DNM1L: variants seen among roughly 807,000 people sequenced by gnomAD.
The protein encoded by DNM1L is dynamin 1L.
DNM1L carries 33 observed loss-of-function variants against 92.8 expected under a neutral mutation model. That is an observed-to-expected ratio of 0.36 (90% confidence interval 0.27 to 0.48). The LOEUF is 0.48. DNM1L is among the 20% of genes least tolerant of loss of function. The pLI, the probability that DNM1L is intolerant of heterozygous loss-of-function variation, is 0.99. For missense variants in DNM1L, 485 were observed against 888.8 expected (o/e 0.55, Z 5.78); for synonymous variants, 284 against 305.0 (o/e 0.93, Z 0.72).
At chr12:32,717,087 T>C (rs1317352347) in intron 6 of DNM1L, among the ~76,000 whole-genome samples, 1 of 130,166 alleles carries the variant, frequency 7.7e-6, no homozygotes, top group Non-Finnish European at 1.6e-5. Context: ...ATATATATAT[T>C]TTATATATAT....
rs886049292 is a variant in DNM1L at position 32,744,603 on chromosome 12, C to T, written c.*1193C>T. 1 of 250,736 alleles carries T rather than the reference C, an allele frequency of 4.0e-6. No homozygotes were observed. Among genetic ancestry groups the T allele is most frequent in the Non-Finnish European group, 7.7e-6 (1 of 129,382 alleles). 15.5% of individuals were successfully genotyped at this position (250,736 alleles called of 1,614,324 possible). ...TGGCGCATGCCTGTAATCCCAGCTACTCGGGAGGGTGAGGCAGGAGAATTG... is the reference window on the plus strand; with the variant it reads ...TGGCGCATGCCTGTAATCCCAGCTATTCGGGAGGGTGAGGCAGGAGAATTG... On this transcript the variant is annotated 3_prime_UTR_variant, in exon 20 of 20. Transcript: ENST00000549701.
chr12:32,692,865 CAT>C (rs1952287055), intron 1 of DNM1L: 1 of 152,190 alleles, frequency 6.6e-6, no homozygotes, highest in African/African-American at 2.4e-5. Context: ...TTTACACAGT[CAT>C]GTGAAATTTA....
At chr12:32,726,533 T>C (rs1954158470) in intron 9 of DNM1L, 1 of 1,096,314 alleles carries the variant, frequency 9.1e-7, no homozygotes, top group Non-Finnish European at 1.4e-6. Context: ...CAGTAAACTA[T>C]AACACTGATC....
intron 2 of DNM1L, among the ~76,000 whole-genome samples, chr12:32,703,124 CA>C (rs1952781304): frequency 6.6e-6 from 1 of 151,152 alleles, no homozygotes; most frequent in Non-Finnish European, 1.5e-5. Flanking sequence ...TCCTGTCTCT[CA>C]GAAACTATTT....
chr12:32,692,216 T>C (rs558398339), intron 1 of DNM1L, among the ~76,000 whole-genome samples: 9 of 152,306 alleles, frequency 5.9e-5, no homozygotes, highest in South Asian at 2.1e-4. Flanking sequence ...TAAGCAAAAT[T>C]AATTAAAATC....
intron 6 of DNM1L, among the ~76,000 whole-genome samples, chr12:32,717,177 A>G (rs1439254127): frequency 8.3e-6 from 1 of 121,196 alleles, no homozygotes; most frequent in South Asian, 2.2e-4. Flanking sequence ...TATAAAATAT[A>G]TATAGTATAT....
chr12:32,720,879 T>A, intron 8 of DNM1L, 84 bp downstream of exon 8: 1 of 1,535,654 alleles, frequency 6.5e-7, no homozygotes, highest in Admixed American at 1.7e-5. Flanking sequence ...TTCCTTACAT[T>A]TTCATACTGT....
At chr12:32,734,874 GGCACTATTATAGGAA>G (rs1954769940) in intron 13 of DNM1L, among the ~76,000 whole-genome samples, 1 of 152,164 alleles carries the variant, frequency 6.6e-6, no homozygotes, top group African/African-American at 2.4e-5. Flanking sequence ...TATTTTGCAG[GGCACTATTATAGGAA>G]GCAAGCACCT....
chr12:32,693,242 AGT>A (rs1952299266), intron 1 of DNM1L, among the ~76,000 whole-genome samples: 1 of 152,128 alleles, frequency 6.6e-6, no homozygotes, highest in African/African-American at 2.4e-5. Flanking sequence ...ATTACTAGTG[AGT>A]GTGAGCATCT....
intron 9 of DNM1L, 125 bp from the exon 10 acceptor site, chr12:32,730,889 T>C: frequency 7.2e-7 from 1 of 1,391,728 alleles, no homozygotes; most frequent in Non-Finnish European, 1.0e-6. Flanking sequence ...TGGGAATGAA[T>C]GAAATTGTTT....
chr12:32,727,500 TA>T, intron 9 of DNM1L: 5 of 518,006 alleles, frequency 9.7e-6, no homozygotes, highest in East Asian at 6.3e-5. Context: ...CAGATGGCGC[TA>T]AAAAAAGAGA....
chr12:32,686,027 G>A (rs1395107818), intron 1 of DNM1L, among the ~76,000 whole-genome samples: 1 of 146,396 alleles, frequency 6.8e-6, no homozygotes, highest in African/African-American at 2.5e-5. Flanking sequence ...GGTGAAATTT[G>A]CAGAACATAA....
At chr12:32,701,137 G>A (rs1289202539) in intron 1 of DNM1L, among the ~76,000 whole-genome samples, 2 of 152,022 alleles carry the variant, frequency 1.3e-5, no homozygotes, top group South Asian at 2.1e-4. Context: ...TTAGCCAGGC[G>A]TGGTGGCACA....
chr12:32,683,404 A>G (rs1057471466), intron 1 of DNM1L, among the ~76,000 whole-genome samples: 1 of 150,832 alleles, frequency 6.6e-6, no homozygotes, highest in Non-Finnish European at 1.5e-5. Context: ...TAAATTTAAA[A>G]TCGCTGCCTT....
rs562106780 is a variant in DNM1L, at chr12:32,726,247, A to G, written c.1079+3614A>G. On this transcript the variant is annotated intron_variant, in intron 9 of 19. Transcript: ENST00000549701. Reference sequence around the variant, plus strand: ...TAGGTAGAACAGATTGGTCTTTAAAATATCAGTTTCCTGTCCTTTAAAACA... The same window carrying G: ...TAGGTAGAACAGATTGGTCTTTAAAGTATCAGTTTCCTGTCCTTTAAAACA... The G allele has an allele frequency of 1.7e-5, 12 of 706,258 alleles. 1 individual carries two copies. In the South Asian group the frequency reaches 2.1e-4, roughly 12 times the overall value. 43.7% of individuals were successfully genotyped at this position (706,258 alleles called of 1,614,324 possible).
At chr12:32,703,898 G>C (rs1026183873) in intron 2 of DNM1L, among the ~76,000 whole-genome samples, 1 of 152,166 alleles carries the variant, frequency 6.6e-6, no homozygotes, top group African/African-American at 2.4e-5. Flanking sequence ...TGAGGTGTCA[G>C]TATGTAGATT....
At chr12:32,723,160 C>T (rs1476662635) in intron 9 of DNM1L, among the ~76,000 whole-genome samples, 2 of 149,880 alleles carry the variant, frequency 1.3e-5, no homozygotes, top group African/African-American at 4.9e-5. Flanking sequence ...TAATTGAATC[C>T]AAATTTTATT....
intron 18 of DNM1L, among the ~76,000 whole-genome samples, chr12:32,741,409 C>T (rs1955281860): frequency 6.6e-6 from 1 of 152,186 alleles, no homozygotes; most frequent in Admixed American, 6.5e-5. Context: ...CCTCAGCCTC[C>T]TGAGTAGCTG....
intron 1 of DNM1L, among the ~76,000 whole-genome samples, chr12:32,685,139 G>A (rs911606382): frequency 6.6e-6 from 1 of 151,660 alleles, no homozygotes; most frequent in African/African-American, 2.4e-5. Context: ...GGGTTTCACC[G>A]TGTTAGCCAG....
Sources: gnomAD v4.1 joint callset for allele counts (sites outside exome capture counted in the v4.1 genomes callset) on GRCh38, gnomAD v4.1.1 for gene constraint, MANE v1.5 for transcripts, NCBI Gene and HGNC (gene_info 2026-07-23, HGNC 2026-07-21) for gene names.